The following KIF24 variants were observed in gnomAD, a reference collection of about 807,000 sequenced individuals.
The protein encoded by KIF24 is kinesin-like protein KIF24.
In KIF24, 81 loss-of-function variants were observed where a neutral mutation model predicts 118.9. The ratio of observed to expected loss-of-function variants is 0.68; its 90% confidence interval spans 0.57 to 0.82. The LOEUF (loss-of-function observed/expected upper bound fraction) is 0.82. Ranked by LOEUF, KIF24 falls within the 40% of genes least tolerant of loss-of-function variation. The pLI is 0.00. For synonymous variants in KIF24, 599 were observed against 610.0 expected (o/e 0.98, Z 0.27); for missense variants, 1,560 against 1,661.6 (o/e 0.94, Z 1.06).
In KIF24 at chr9:34,257,204, C is replaced by G. The variant is rs150714405; in HGVS notation, c.2403G>C (p.Thr801=). 5.2e-5 allele frequency: 84 copies of G among 1,613,912 alleles called. No individual in the cohort carries two copies. Among genetic ancestry groups the G allele is most frequent in the Non-Finnish European group, 6.8e-5 (80 of 1,179,900 alleles). The change falls in exon 11 of 13, where the codon ACG becomes ACC. Residue 801 remains threonine (T), a synonymous_variant. Coordinates refer to ENST00000402558, the MANE Select transcript of KIF24 (RefSeq NM_194313.4). Reference sequence around the variant, plus strand: ...AGTGGAACAGAGGCGGAGTCTCATTCGTGAGCTGACCCTCTGGGGGCCTGT... The same window carrying G: ...AGTGGAACAGAGGCGGAGTCTCATTGGTGAGCTGACCCTCTGGGGGCCTGT... ...RQYRPPEGQL[T]NETPPLFHSY... is the part of the protein sequence containing the mutation.
In KIF24 at chr9:34,253,371, T is replaced by TGCTC. The variant is rs1298084527; in HGVS notation, c.*1008_*1009insGAGC. The TGCTC allele has an allele frequency of 6.6e-6, 1 of 152,282 alleles. No individual in the cohort carries two copies. The highest frequency in any genetic ancestry group is 1.5e-5 in the Non-Finnish European group (1 of 68,066). The allele number at this position is 152,282 out of a possible 1,614,324, so 9.4% of individuals were successfully genotyped here. A position where few individuals can be genotyped will look rare whatever the true frequency, so the allele number is the denominator to read the frequency against. ...CTACTTTGTCTTCCCTGTCCTGAGCTGCTTCCTGCTAAAAAGATACACAGC... is the reference window on the plus strand; with the variant it reads ...CTACTTTGTCTTCCCTGTCCTGAGCTGCTCGCTTCCTGCTAAAAAGATACACAGC... On this transcript the variant is annotated 3_prime_UTR_variant, in exon 13 of 13. Coordinates refer to ENST00000402558, the MANE Select transcript of KIF24 (RefSeq NM_194313.4).
chr9:34,304,148 C>G (rs1836828561), intron 3 of KIF24, among the ~76,000 whole-genome samples: 1 of 152,108 alleles, frequency 6.6e-6, no homozygotes, highest in Non-Finnish European at 1.5e-5. Flanking sequence ...CCTATTATCT[C>G]TAAATATGTT....
At chr9:34,322,242 T>G (rs544697036) in intron 1 of KIF24, among the ~76,000 whole-genome samples, 1 of 152,324 alleles carries the variant, frequency 6.6e-6, no homozygotes, top group African/African-American at 2.4e-5. Context: ...ATACACCCCA[T>G]GGTCCTGCCT....
chr9:34,272,522 C>T (rs540939527), intron 6 of KIF24, among the ~76,000 whole-genome samples: 29 of 152,318 alleles, frequency 1.9e-4, no homozygotes, highest in Non-Finnish European at 4.4e-5. Context: ...GGAGGTGAAG[C>T]GTCAGGATTG....
intron 7 of KIF24, among the ~76,000 whole-genome samples, chr9:34,271,183 G>A (rs568928958): frequency 6.6e-6 from 1 of 152,134 alleles, no homozygotes; most frequent in East Asian, 1.9e-4. Flanking sequence ...ACTCAAACAT[G>A]TCTATTGGTT....
chr9:34,259,059 C>G (rs930328719), intron 10 of KIF24, among the ~76,000 whole-genome samples: 2 of 152,130 alleles, frequency 1.3e-5, no homozygotes, highest in African/African-American at 4.8e-5. Flanking sequence ...CACAAAGAGG[C>G]CTGGCCAGGC....
At position 34,318,785 on chromosome 9, in the gene KIF24, T is replaced by C; in HGVS notation, c.-25-7414A>G. ...CAACTCCACCGCGCGCAACGTGACC[T>C]GGAAGCTGTGCAGTCGCCTGTAGGG... is the stretch of plus-strand genomic sequence containing the variant. On this transcript the variant is annotated intron_variant, in intron 1 of 12. Transcript: ENST00000402558. The surrounding 1 kb of genome is among the most constrained non-coding windows in gnomAD (Gnocchi z 4.9). 3.2e-6 allele frequency: 5 copies of C among 1,542,654 alleles called. No homozygotes were observed. The highest frequency in any genetic ancestry group is 4.5e-6 in the Non-Finnish European group (5 of 1,119,298).
At chr9:34,293,023 C>A (rs1836313150) in intron 4 of KIF24, among the ~76,000 whole-genome samples, 2 of 152,134 alleles carry the variant, frequency 1.3e-5, no homozygotes, top group Admixed American at 1.3e-4. Context: ...GAAACTTACT[C>A]CTCAAAAAGC....
chr9:34,256,688 A>C lies in KIF24; in HGVS notation c.2919T>G (p.Asn973Lys). Residue 973 changes from asparagine to lysine, a missense_variant, in exon 11 of 13, where the codon AAT becomes AAG. Transcript: ENST00000402558. ...DASQSEVSGE[N>K]EGNLPSPEED... is the part of the protein sequence containing the mutation. ...CCTCTGGGGATGGCAAGTTGCCCTC[A>C]TTCTCCCCAGAAACCTCACTTTGGG... 6.2e-7 allele frequency: 1 copy of C among 1,613,936 alleles called. No homozygotes were observed.
chr9:34,329,661 G>A (rs1348696729), upstream of KIF24: 1 of 152,378 alleles, frequency 6.6e-6, no homozygotes, highest in African/African-American at 2.4e-5. Context: ...GCCTTGGAGC[G>A]ATGGGAATCT....
chr9:34,258,457 G>A (rs1215135945), intron 10 of KIF24, among the ~76,000 whole-genome samples: 1 of 152,186 alleles, frequency 6.6e-6, no homozygotes, highest in Non-Finnish European at 1.5e-5. Flanking sequence ...GTGACAGGGT[G>A]AGACTCTGTC....
upstream of KIF24, among the ~76,000 whole-genome samples, chr9:34,330,464 A>G (rs190061610): frequency 1.3e-5 from 2 of 152,232 alleles, no homozygotes; most frequent in Admixed American, 6.5e-5. Context: ...GTAAAACGCT[A>G]TTATAGAGTT....
chr9:34,280,283 CAAAAAAAAAAAAAAAAAAAAA>C (rs56387532), intron 6 of KIF24, among the ~76,000 whole-genome samples: 4 of 64,456 alleles, frequency 6.2e-5, no homozygotes. Flanking sequence ...GACTCCGTCT[CAAAAAAAAAAAAAAAAAAAAA>C]AAAAAAAAAA....
chr9:34,328,448 G>A (rs918081131), intron 1 of KIF24, among the ~76,000 whole-genome samples: 1 of 152,194 alleles, frequency 6.6e-6, no homozygotes, highest in Non-Finnish European at 1.5e-5. Context: ...AGGAAGAGTT[G>A]CAGCAACCAA....
intron 1 of KIF24, among the ~76,000 whole-genome samples, chr9:34,316,357 A>G (rs1460610608): frequency 2.0e-5 from 3 of 151,918 alleles, no homozygotes; most frequent in Admixed American, 2.0e-4. Context: ...AAAAAGTTCC[A>G]TTATGTCTAC....
chr9:34,255,920 C>T lies in KIF24; in HGVS notation c.3687G>A (p.Arg1229=), dbSNP rs1834815517. The T allele has an allele frequency of 4.3e-6, 7 of 1,614,004 alleles. No individual in the cohort carries two copies. Among genetic ancestry groups the T allele is most frequent in the Non-Finnish European group, 5.9e-6 (7 of 1,179,874 alleles). ...ACAAACCAAACTCCTGCCAACCAAG[C>T]CTTGTAGGATGTTTTCTCTCCTGGG... ...LWAQERKHPT[R]LGWQEFGLST... is the part of the protein sequence containing the mutation. Residue 1229 remains arginine (R), a synonymous_variant, in exon 11 of 13, where the codon AGG becomes AGA. Transcript: ENST00000402558.
chr9:34,319,030 C>G, intron 1 of KIF24: 1 of 1,238,266 alleles, frequency 8.1e-7, no homozygotes, highest in Non-Finnish European at 1.2e-6. Context: ...TCAAGCCACA[C>G]TGGAATGAGA....
At chr9:34,306,782 A>G (rs918793689) in intron 2 of KIF24, among the ~76,000 whole-genome samples, 26 of 152,074 alleles carry the variant, frequency 1.7e-4, no homozygotes, top group Non-Finnish European at 2.9e-5. Context: ...AGCCTGGGCG[A>G]CAGAGCCAGA....
chr9:34,257,769 C>T lies in KIF24; in HGVS notation c.1838G>A (p.Ser613Asn). 2 of 1,613,998 alleles carry T rather than the reference C, an allele frequency of 1.2e-6. No individual in the cohort carries two copies. The highest frequency in any genetic ancestry group is 8.5e-7 in the Non-Finnish European group (1 of 1,179,880). Reference protein sequence around the residue: ...STRGKVHPLTSHPPNIPFTSA... With the variant: ...STRGKVHPLTNHPPNIPFTSA... ...AGTAAAAGGAATGTTGGGTGGGTGG[C>T]TGGTCAGAGGATGGACCTTCCCTCT... is the stretch of plus-strand genomic sequence containing the variant. The change falls in exon 11 of 13, where the codon AGC (serine) becomes AAC (asparagine). Residue 613 changes from serine (S) to asparagine (N), a missense_variant. By Grantham distance (46) the Ser-to-Asn change is conservative. Transcript: ENST00000402558.
Sources: allele counts gnomAD v4.1 joint callset (sites outside exome capture counted in the v4.1 genomes callset), GRCh38; gene constraint gnomAD v4.1.1; non-coding constraint Gnocchi (gnomAD v3.1); transcripts MANE v1.5; gene names NCBI Gene and HGNC (gene_info 2026-07-23, HGNC 2026-07-21).